The following PAX7 variants were observed in gnomAD, a reference collection of about 807,000 sequenced individuals.
PAX7 encodes paired box 7, also known as paired box protein Pax-7.
PAX7 carries 18 observed loss-of-function variants against 50.7 expected under a neutral mutation model. The observed-to-expected ratio is 0.36, with a 90% confidence interval of 0.25 to 0.53. The LOEUF (loss-of-function observed/expected upper bound fraction) is 0.53. Among genes scored for constraint, PAX7 ranks in the 20% least tolerant of loss-of-function variants. The pLI is 0.93. For missense variants in PAX7, 644 were observed against 702.9 expected, an observed-to-expected ratio of 0.92 and a Z score of 0.95; for synonymous variants, 310 against 290.4, an observed-to-expected ratio of 1.07 and a Z score of -0.69.
Position 18,746,301 on chromosome 1 carries a change from A to T in PAX7, c.*1372A>T, listed in dbSNP as rs376690226. The T allele has an allele frequency of 2.5e-4, 58 of 229,984 alleles. No homozygotes were observed. Among genetic ancestry groups the T allele is most frequent in the African/African-American group, 1.2e-3 (54 of 45,226 alleles). The allele number at this position is 229,984 out of a possible 1,614,324, so 14.2% of individuals were successfully genotyped here. A position where few individuals can be genotyped will look rare whatever the true frequency, so the allele number is the denominator to read the frequency against. ...AGATGTGACCAGTTTTCAAGCTACC[A>T]GCCCTGGGCAGAGGAAGATGTCAAC... On this transcript the variant is annotated 3_prime_UTR_variant, in exon 9 of 9. Transcript: ENST00000420770.
Position 18,634,312 on chromosome 1 carries a change from C to T in PAX7, c.95C>T (p.Pro32Leu), listed in dbSNP as rs145325556. The T allele has an allele frequency of 5.6e-5, 90 of 1,613,570 alleles. No individual in the cohort carries two copies. The highest frequency in any genetic ancestry group is 8.0e-5 in the African/African-American group (6 of 74,940). The part of the protein sequence containing the change: ...RTGFPLEVST[P>L]LGQGRVNQLG... The stretch of plus-strand genomic sequence containing the variant: ...CCCCTCCCTTCTCCAGTGTCCACCC[C>T]GCTTGGCCAAGGCCGGGTCAATCAG... The change falls in exon 2 of 9, where the codon CCG becomes CTG. Residue 32 changes from proline to leucine, a missense_variant. By Grantham distance (98) the Pro-to-Leu change is moderately conservative (BLOSUM62 -3). Coordinates refer to ENST00000420770, the MANE Select transcript of PAX7 (RefSeq NM_001135254.2). This position sits in a 1 kb window ranked among gnomAD's most constrained non-coding sequence, Gnocchi z 4.0.
intron 7 of PAX7, among the ~76,000 whole-genome samples, chr1:18,728,577 C>T (rs1367661324): frequency 6.6e-6 from 1 of 151,952 alleles, no homozygotes; most frequent in Non-Finnish European, 1.5e-5. Flanking sequence ...AACTCCTGAC[C>T]TGACCGGGCG....
chr1:18,660,901 C>A (rs1305025156), intron 4 of PAX7, among the ~76,000 whole-genome samples: 3 of 152,260 alleles, frequency 2.0e-5, no homozygotes, highest in African/African-American at 7.2e-5. Flanking sequence ...CCTTGACCCT[C>A]GGTTTTCTTG....
intron 8 of PAX7, among the ~76,000 whole-genome samples, chr1:18,739,419 A>C (rs1274127942): frequency 6.6e-6 from 1 of 152,244 alleles, no homozygotes; most frequent in African/African-American, 2.4e-5. Flanking sequence ...CAGCTTTAAG[A>C]TATAAATATA....
At chr1:18,663,015 G>T (rs1268407092) in intron 4 of PAX7, among the ~76,000 whole-genome samples, 1 of 152,138 alleles carries the variant, frequency 6.6e-6, no homozygotes, top group Non-Finnish European at 1.5e-5. Flanking sequence ...AATAACTTGG[G>T]AGTCTGATCT....
intron 4 of PAX7, among the ~76,000 whole-genome samples, chr1:18,643,545 C>G (rs1021783466): frequency 1.6e-4 from 24 of 152,326 alleles, no homozygotes; most frequent in African/African-American, 5.1e-4. Context: ...TGCAGAATCA[C>G]CGAGAGACTG....
chr1:18,643,135 G>A (rs986759439), intron 4 of PAX7, among the ~76,000 whole-genome samples: 2 of 152,212 alleles, frequency 1.3e-5, no homozygotes, highest in Non-Finnish European at 2.9e-5. Context: ...AGGCCCCGAG[G>A]GCATTCTAGG....
chr1:18,684,189 G>A (rs1419920576), intron 4 of PAX7, among the ~76,000 whole-genome samples: 2 of 152,234 alleles, frequency 1.3e-5, no homozygotes, highest in Non-Finnish European at 2.9e-5. Flanking sequence ...AGTCCAGGAA[G>A]AGATGGGGTG....
intron 7 of PAX7, among the ~76,000 whole-genome samples, chr1:18,707,412 TTTC>T (rs1250146749): frequency 0.16 from 8,622 of 53,872 alleles, 409 homozygotes; most frequent in African/African-American, 0.18. Context: ...TCTTTTTTTC[TTTC>T]TTTTTTTTTT....
chr1:18,743,293 C>T (rs1931247310), intron 8 of PAX7, among the ~76,000 whole-genome samples: 1 of 152,224 alleles, frequency 6.6e-6, no homozygotes, highest in Non-Finnish European at 1.5e-5. Context: ...TTGGCATGTG[C>T]AGGATTTGAA....
At chr1:18,734,022 CG>C (rs907655781) in intron 7 of PAX7, among the ~76,000 whole-genome samples, 8 of 152,176 alleles carry the variant, frequency 5.3e-5, no homozygotes, top group Admixed American at 5.2e-4. Context: ...AGCTGGTAAA[CG>C]GAGGAGCTCG....
At position 18,745,709 on chromosome 1, in the gene PAX7, C is replaced by T; in HGVS notation, c.*780C>T. 1 of 231,428 alleles carries T rather than the reference C, an allele frequency of 4.3e-6. No homozygotes were observed. The highest frequency in any genetic ancestry group is 8.6e-6 in the Non-Finnish European group (1 of 116,840). 14.3% of individuals were successfully genotyped at this position (231,428 alleles called of 1,614,324 possible). On this transcript the variant is annotated 3_prime_UTR_variant, in exon 9 of 9. Coordinates refer to ENST00000420770, the MANE Select transcript of PAX7 (RefSeq NM_001135254.2). ...AGGACCCAACTCAGGCTTCTGGAAG[C>T]AGAGGGCTCTTATCCTGAAGCCCAA...
intron 6 of PAX7, among the ~76,000 whole-genome samples, chr1:18,701,618 T>A (rs1276780403): frequency 1.3e-5 from 2 of 152,146 alleles, no homozygotes; most frequent in African/African-American, 4.8e-5. Context: ...TCTGGAAAGA[T>A]CCATTTTCAG....
intron 7 of PAX7, among the ~76,000 whole-genome samples, chr1:18,713,277 C>T (rs1255500497): frequency 6.6e-6 from 1 of 152,142 alleles, no homozygotes; most frequent in Non-Finnish European, 1.5e-5. Flanking sequence ...TGTTTCCACA[C>T]ACCACTGTTG....
chr1:18,695,502 C>T lies in PAX7; in HGVS notation c.786+3549C>T, dbSNP rs142571322. Among the ~76,000 whole-genome samples, 26 of 152,226 alleles carry T rather than the reference C, an allele frequency of 1.7e-4. No individual in the cohort carries two copies. The East Asian group carries it at 5.0e-3, about 29-fold the overall frequency. On this transcript the variant is annotated intron_variant, in intron 5 of 8. Transcript: ENST00000420770. ...GGGGATCTGGTCACCAAAGAGTGGC[C>T]TGTTATCCCCTCTGGCTCCCTCAAG...
intron 4 of PAX7, among the ~76,000 whole-genome samples, chr1:18,640,365 G>A (rs1280203092): frequency 6.6e-6 from 1 of 152,028 alleles, no homozygotes; most frequent in Non-Finnish European, 1.5e-5. Flanking sequence ...AGGCTCCGGG[G>A]GAGCGAGTGA....
At chr1:18,678,522 C>G (rs1295083304) in intron 4 of PAX7, among the ~76,000 whole-genome samples, 1 of 152,208 alleles carries the variant, frequency 6.6e-6, no homozygotes, top group Admixed American at 6.5e-5. Flanking sequence ...AACTCCCTGT[C>G]TTATTGTAAA....
Position 18,735,983 on chromosome 1 carries a change from A to G in PAX7, c.1402+105A>G. The stretch of plus-strand genomic sequence containing the variant: ...CTACAAGGTGGTGTCAGGGTGGGGA[A>G]TGTCCATTTCACAGATGGAAAAATT... On this transcript the variant is annotated intron_variant, in intron 8 of 8. Transcript: ENST00000420770. The surrounding 1 kb of genome is among the most constrained non-coding windows in gnomAD (Gnocchi z 4.0). The G allele has an allele frequency of 6.2e-7, 1 of 1,613,260 alleles. No homozygotes were observed. The highest frequency in any genetic ancestry group is 8.5e-7 in the Non-Finnish European group (1 of 1,179,542).
At chr1:18,642,318 A>G (rs2088268853) in intron 4 of PAX7, among the ~76,000 whole-genome samples, 1 of 152,118 alleles carries the variant, frequency 6.6e-6, no homozygotes, top group Non-Finnish European at 1.5e-5. Context: ...CATGTAATGT[A>G]CAAGGTCCTG....
Sources: allele counts gnomAD v4.1 joint callset (sites outside exome capture counted in the v4.1 genomes callset), GRCh38; gene constraint gnomAD v4.1.1; non-coding constraint Gnocchi (gnomAD v3.1); transcripts MANE v1.5; gene names NCBI Gene and HGNC (gene_info 2026-07-23, HGNC 2026-07-21).